Variants in LRRC31 observed in about 807,000 individuals in gnomAD.
The protein encoded by LRRC31 is leucine-rich repeat-containing protein 31.
LRRC31 carries 35 observed loss-of-function variants against 46.7 expected under a neutral mutation model. The observed-to-expected ratio is 0.75, with a 90% CI of 0.57 to 0.99. The LOEUF (loss-of-function observed/expected upper bound fraction) is 0.99, where lower values mean the gene tolerates loss of function less well. Among genes scored for constraint, LRRC31 ranks in the 50% least tolerant of loss-of-function variants. LRRC31 has a pLI of 0.00. For missense variants in LRRC31, 613 were observed against 626.1 expected, an observed-to-expected ratio of 0.98 and a Z score of 0.22; for synonymous variants, 236 against 235.1, an observed-to-expected ratio of 1.00 and a Z score of -0.03.
At chr3:169,842,099 T>G (rs1780470426) in intron 8 of LRRC31, among the ~76,000 whole-genome samples, 2 of 152,084 alleles carry the variant, frequency 1.3e-5, no homozygotes, top group African/African-American at 4.8e-5. Flanking sequence ...TGTTTGGATT[T>G]TATAATGTGA....
chr3:169,860,576 C>T lies in LRRC31; in HGVS notation c.472G>A (p.Asp158Asn), dbSNP rs569790069. Reference sequence around the variant, plus strand: ...TTCATCATACCCAGTGCTTGAACATCGTCAGTGGTGAGTCTGCAGCTACCC... The same window carrying T: ...TTCATCATACCCAGTGCTTGAACATTGTCAGTGGTGAGTCTGCAGCTACCC... ...RLGSCRLTTD[D>N]VQALGEAFEM... Residue 158 changes from aspartate to asparagine, a missense_variant, in exon 3 of 9, where the codon GAT (aspartate) becomes AAT (asparagine). Transcript: ENST00000316428. 667 of 1,614,028 alleles carry T rather than the reference C, an allele frequency of 4.1e-4. 8 individuals carry two copies. In the South Asian group the frequency reaches 6.9e-3, roughly 17 times the overall value.
Position 169,862,151 on chromosome 3 carries a change from C to T in LRRC31, c.176-338G>A, listed in dbSNP as rs534623743. On this transcript the variant is annotated intron_variant, in intron 1 of 8. Transcript: ENST00000316428. ...GAGATGCTTGCTTACTTGAAGGGCA[C>T]GCATATCTTTGGTGGATGCAACTGC... 5.3e-5 allele frequency among the ~76,000 whole-genome samples: 8 copies of T among 152,242 alleles called. No individual in the cohort carries two copies. The South Asian group carries it at 1.0e-3, about 20-fold the overall frequency.
intron 7 of LRRC31, 81 bp downstream of exon 7, chr3:169,851,538 C>T: frequency 7.1e-7 from 1 of 1,401,604 alleles, no homozygotes; most frequent in South Asian, 1.4e-5. Flanking sequence ...CTGGCTGAGC[C>T]TTGGAATGAA....
intron 8 of LRRC31, among the ~76,000 whole-genome samples, chr3:169,842,920 G>A (rs751203194): frequency 2.6e-5 from 4 of 152,028 alleles, no homozygotes; most frequent in Non-Finnish European, 5.9e-5. Context: ...AAAATCAAAA[G>A]CTTATTTTTT....
chr3:169,867,697 A>G (rs1781374100), intron 1 of LRRC31, among the ~76,000 whole-genome samples: 3 of 152,180 alleles, frequency 2.0e-5, no homozygotes, highest in Admixed American at 1.3e-4. Flanking sequence ...GTAGGTGACT[A>G]TGGGGATTCT....
chr3:169,853,311 A>C, intron 6 of LRRC31: 2 of 985,338 alleles, frequency 2.0e-6, no homozygotes, highest in Non-Finnish European at 2.4e-6. Flanking sequence ...AGCGTAAAGT[A>C]CAAAGCAGGA....
intron 3 of LRRC31, among the ~76,000 whole-genome samples, chr3:169,858,401 G>GAA: frequency 6.6e-6 from 1 of 152,186 alleles, no homozygotes; most frequent in South Asian, 2.1e-4. Flanking sequence ...AAATAAGAAA[G>GAA]TTGTCTTTTC....
chr3:169,856,261 T>C (rs1052662994), intron 5 of LRRC31, 75 bp downstream of exon 5: 7 of 848,578 alleles, frequency 8.2e-6, no homozygotes, highest in African/African-American at 7.3e-5. Context: ...CCTAGTAACT[T>C]TTCAATATAT....
intron 1 of LRRC31, among the ~76,000 whole-genome samples, chr3:169,862,233 C>T (rs780069675): frequency 6.6e-6 from 1 of 152,166 alleles, no homozygotes; most frequent in Non-Finnish European, 1.5e-5. Context: ...GAAGGGAAAG[C>T]GTTGAAATCA....
Position 169,861,704 on chromosome 3 carries a change from G to A in LRRC31, c.285C>T (p.Asn95=). 6.2e-7 allele frequency: 1 copy of A among 1,614,128 alleles called. No homozygotes were observed. Residue 95 remains asparagine, a synonymous_variant, in exon 2 of 9, where the codon AAC becomes AAT. Transcript: ENST00000316428. The part of the protein sequence containing the change: ...KAVNKCLDLN[N]CGLTTADMKE... Reference sequence around the variant, plus strand: ...TCATGTCCGCTGTTGTTAATCCACAGTTATTCAAATCTAGACACTTGTTGA... The same window carrying A: ...TCATGTCCGCTGTTGTTAATCCACAATTATTCAAATCTAGACACTTGTTGA...
chr3:169,859,924 C>T (rs1781094674), intron 3 of LRRC31, among the ~76,000 whole-genome samples: 1 of 151,942 alleles, frequency 6.6e-6, no homozygotes, highest in African/African-American at 2.4e-5. Context: ...GAGTGGATTC[C>T]CTGAGGTCAG....
chr3:169,859,266 G>A (rs1781072904), intron 3 of LRRC31, among the ~76,000 whole-genome samples: 1 of 144,930 alleles, frequency 6.9e-6, no homozygotes. Flanking sequence ...CTGCACTCCA[G>A]CCTGGGTGAC....
intron 8 of LRRC31, among the ~76,000 whole-genome samples, chr3:169,844,930 C>CAAAAA (rs59099192): frequency 1.2e-3 from 116 of 98,544 alleles, no homozygotes; most frequent in Non-Finnish European, 1.9e-3. Context: ...GACTCCATCT[C>CAAAAA]AAAAAAAAAA....
intron 7 of LRRC31, among the ~76,000 whole-genome samples, chr3:169,849,914 G>A (rs1167515256): frequency 6.6e-6 from 1 of 152,156 alleles, no homozygotes; most frequent in East Asian, 1.9e-4. Flanking sequence ...ATTAGCTAAG[G>A]GCCAGCCTTA....
chr3:169,849,384 G>T (rs1780691291), intron 7 of LRRC31, among the ~76,000 whole-genome samples: 1 of 152,150 alleles, frequency 6.6e-6, no homozygotes. Context: ...ATACCTAGTT[G>T]ATCATGATTC....
chr3:169,844,233 G>A (rs528712892), intron 8 of LRRC31, among the ~76,000 whole-genome samples: 1 of 151,958 alleles, frequency 6.6e-6, no homozygotes, highest in Non-Finnish European at 1.5e-5. Flanking sequence ...AACATCCAAC[G>A]CTATATAAAC....
chr3:169,850,956 C>A (rs1560625138), intron 7 of LRRC31, among the ~76,000 whole-genome samples: 2 of 152,092 alleles, frequency 1.3e-5, no homozygotes, highest in Non-Finnish European at 2.9e-5. Flanking sequence ...CTTGCTGACA[C>A]TAAACTTGTC....
chr3:169,844,655 C>T (rs6807681), intron 8 of LRRC31, among the ~76,000 whole-genome samples: 44,066 of 151,968 alleles, frequency 0.29, 6,836 homozygotes, highest in East Asian at 0.62. Context: ...GTCTCTAGGC[C>T]GGGCACAGTG....
chr3:169,853,147 G>A (rs751328581), intron 6 of LRRC31: 18 of 891,446 alleles, frequency 2.0e-5, no homozygotes, highest in Non-Finnish European at 2.3e-5. Flanking sequence ...TTGCCATACC[G>A]AAGCTCCCTG....
Sources: allele counts gnomAD v4.1 joint callset (sites outside exome capture counted in the v4.1 genomes callset), GRCh38; gene constraint gnomAD v4.1.1; transcripts MANE v1.5; gene names NCBI Gene and HGNC (gene_info 2026-07-23, HGNC 2026-07-21).